ORC2: variants seen among roughly 807,000 people sequenced by gnomAD.
ORC2 encodes the protein origin recognition complex subunit 2.
ORC2 carries 37 observed loss-of-function variants against 77.7 expected under a neutral mutation model. The ratio of observed to expected loss-of-function variants is 0.48; its 90% CI spans 0.37 to 0.63. The LOEUF (loss-of-function observed/expected upper bound fraction) is 0.63, where lower values mean the gene tolerates loss of function less well. ORC2 is among the 20% of genes least tolerant of loss of function. The pLI is 0.00. For synonymous variants in ORC2, 201 were observed against 229.5 expected, an observed-to-expected ratio of 0.88 and a Z score of 1.12; for missense variants, 557 against 661.9, an observed-to-expected ratio of 0.84 and a Z score of 1.74.
intron 4 of ORC2, among the ~76,000 whole-genome samples, chr2:200,953,199 AATC>A (rs552255119): frequency 4.9e-4 from 74 of 152,132 alleles, no homozygotes; most frequent in Admixed American, 7.2e-4. Flanking sequence ...CCTACATCAA[AATC>A]AATCACTACT....
chr2:200,921,695 G>A (rs1215629070), intron 13 of ORC2: 1 of 152,242 alleles, frequency 6.6e-6, no homozygotes, highest in Non-Finnish European at 1.5e-5. Context: ...AGAGTGCAGT[G>A]GGGTGATCTC....
intron 1 of ORC2, among the ~76,000 whole-genome samples, chr2:200,960,033 A>G (rs1350988985): frequency 1.3e-5 from 2 of 151,618 alleles, no homozygotes; most frequent in Non-Finnish European, 2.9e-5. Flanking sequence ...CACCTAGAGC[A>G]GTGGTATGAT....
At chr2:200,956,287 T>C (rs906632759) in intron 4 of ORC2, among the ~76,000 whole-genome samples, 11 of 151,998 alleles carry the variant, frequency 7.2e-5, no homozygotes, top group Admixed American at 7.2e-4. Flanking sequence ...TGGAGTGTAG[T>C]GGTATGATCA....
intron 10 of ORC2, among the ~76,000 whole-genome samples, chr2:200,932,958 A>G (rs16835919): frequency 0.012 from 1,889 of 152,286 alleles, 33 homozygotes; most frequent in African/African-American, 0.043. Flanking sequence ...TTTACGCCCA[A>G]TGAAAGGCTT....
At chr2:200,940,210 C>T (rs1410141486) in intron 7 of ORC2, among the ~76,000 whole-genome samples, 1 of 152,176 alleles carries the variant, frequency 6.6e-6, no homozygotes, top group South Asian at 2.1e-4. Context: ...AGCATTCTTG[C>T]CCTCTTGACA....
chr2:200,956,965 G>T (rs1455858874), intron 4 of ORC2, among the ~76,000 whole-genome samples: 1 of 152,032 alleles, frequency 6.6e-6, no homozygotes, highest in Non-Finnish European at 1.5e-5. Context: ...TGAAAAATGA[G>T]AACACATGGA....
chr2:200,938,542 GTTTT>G (rs956715611), intron 7 of ORC2, among the ~76,000 whole-genome samples: 17 of 151,968 alleles, frequency 1.1e-4, no homozygotes, highest in Non-Finnish European at 1.3e-4. Flanking sequence ...TACAAAGTCT[GTTTT>G]TTTATAGAAT....
intron 5 of ORC2, among the ~76,000 whole-genome samples, chr2:200,943,599 T>C (rs998217693): frequency 1.3e-5 from 2 of 152,172 alleles, no homozygotes; most frequent in African/African-American, 4.8e-5. Context: ...ACTGCTTTTT[T>C]GCTTTTTTTC....
chr2:200,932,122 C>G (rs2040950946), intron 10 of ORC2, among the ~76,000 whole-genome samples: 1 of 151,912 alleles, frequency 6.6e-6, no homozygotes, highest in South Asian at 2.1e-4. Context: ...TATTTAGTCA[C>G]AGTTAAAGCA....
chr2:200,944,362 C>T (rs944929234), intron 5 of ORC2, among the ~76,000 whole-genome samples: 2 of 151,944 alleles, frequency 1.3e-5, no homozygotes, highest in South Asian at 4.2e-4. Context: ...TTTAGTAGAG[C>T]GGGGGTTTCA....
chr2:200,939,268 A>G (rs1331150596), intron 7 of ORC2, among the ~76,000 whole-genome samples: 1 of 152,172 alleles, frequency 6.6e-6, no homozygotes, highest in Non-Finnish European at 1.5e-5. Context: ...TATTAAACTG[A>G]TTTCAAGATT....
intron 15 of ORC2, among the ~76,000 whole-genome samples, 174 bp from the exon 16 acceptor site, chr2:200,914,166 T>C (rs1051406860): frequency 2.3e-5 from 3 of 129,996 alleles, no homozygotes; most frequent in Admixed American, 7.4e-5. Context: ...TTCTAATTTC[T>C]TTTTTTTTTT....
chr2:200,929,012 G>A (rs959193903), intron 11 of ORC2, among the ~76,000 whole-genome samples: 3 of 151,924 alleles, frequency 2.0e-5, no homozygotes, highest in Admixed American at 6.6e-5. Flanking sequence ...CCAGGCTGGA[G>A]TGCAGTGGTG....
In ORC2 at chr2:200,911,165, T is replaced by TC. The variant is rs974256178; in HGVS notation, c.*135dup. 8 of 621,182 alleles carry TC rather than the reference T, an allele frequency of 1.3e-5. No individual in the cohort carries two copies. Among genetic ancestry groups the TC allele is most frequent in the South Asian group, 5.7e-5 (3 of 52,966 alleles). The allele number at this position is 621,182 out of a possible 1,614,324, so 38.5% of individuals were successfully genotyped here. On this transcript the variant is annotated 3_prime_UTR_variant, in exon 18 of 18. Coordinates refer to ENST00000234296, the MANE Select transcript of ORC2 (RefSeq NM_006190.5). ...GATCAAAAAGTTCTAATTGAGGACA[T>TC]CCCCCCCTTCCCAAATTTAAATCTT...
At chr2:200,955,002 C>G (rs901113688) in intron 4 of ORC2, among the ~76,000 whole-genome samples, 4 of 151,988 alleles carry the variant, frequency 2.6e-5, no homozygotes, top group Non-Finnish European at 5.9e-5. Flanking sequence ...CCAATCAAGG[C>G]CAGTAGCAGG....
At chr2:200,935,046 T>C (rs959002535) in intron 9 of ORC2, among the ~76,000 whole-genome samples, 5 of 152,324 alleles carry the variant, frequency 3.3e-5, no homozygotes, top group Non-Finnish European at 4.4e-5. Context: ...ATGCCTCCAA[T>C]TGTCCAATCA....
intron 16 of ORC2, 178 bp from the exon 17 acceptor site, chr2:200,913,591 T>C (rs2040588603): frequency 1.9e-5 from 25 of 1,288,552 alleles, no homozygotes; most frequent in Non-Finnish European, 2.5e-5. Context: ...AGAACAATTA[T>C]TAAAATGTTT....
chr2:200,930,086 C>T (rs1254701133), intron 11 of ORC2, among the ~76,000 whole-genome samples: 1 of 151,864 alleles, frequency 6.6e-6, no homozygotes, highest in Non-Finnish European at 1.5e-5. Flanking sequence ...GTGAATGAGA[C>T]CACCCAGAAC....
intron 7 of ORC2, among the ~76,000 whole-genome samples, chr2:200,938,925 G>GCTACTC (rs1376345457): frequency 6.6e-6 from 1 of 151,902 alleles, no homozygotes; most frequent in East Asian, 1.9e-4. Flanking sequence ...TGTAATCCCA[G>GCTACTC]CTACTCGAGA....
Sources: allele counts gnomAD v4.1 joint callset (sites outside exome capture counted in the v4.1 genomes callset), GRCh38; gene constraint gnomAD v4.1.1; transcripts MANE v1.5; gene names NCBI Gene and HGNC (gene_info 2026-07-23, HGNC 2026-07-21).